The following NRG1 variants were observed in gnomAD, a reference collection of about 807,000 sequenced individuals.
NRG1 encodes the protein neuregulin 1, also known as pro-neuregulin-1, membrane-bound isoform.
NRG1 carries 18 observed loss-of-function variants against 63.8 expected under a neutral mutation model. The ratio of observed to expected loss-of-function variants is 0.28; its 90% CI spans 0.19 to 0.42. The LOEUF is 0.42. Among genes scored for constraint, NRG1 ranks in the 10% least tolerant of loss-of-function variants. The pLI, the probability that NRG1 is intolerant of heterozygous loss-of-function variation, is 1.00. For missense variants in NRG1, 762 were observed against 814.7 expected (o/e 0.94, Z 0.79); for synonymous variants, 302 against 301.3 (o/e 1.00, Z -0.02).
intron 1 of NRG1, among the ~76,000 whole-genome samples, chr8:32,203,507 G>T (rs1463410230): frequency 6.6e-6 from 1 of 151,900 alleles, no homozygotes; most frequent in Admixed American, 6.6e-5. Flanking sequence ...CCCAGTAGCT[G>T]GGACTACAGG....
chr8:32,369,582 A>G (rs1436815662), intron 1 of NRG1, among the ~76,000 whole-genome samples: 1 of 152,212 alleles, frequency 6.6e-6, no homozygotes, highest in African/African-American at 2.4e-5. Flanking sequence ...AGGGACCCTG[A>G]AGGCATCTCA....
chr8:32,563,153 T>C (rs1211868712), intron 1 of NRG1, among the ~76,000 whole-genome samples: 1 of 152,216 alleles, frequency 6.6e-6, no homozygotes, highest in Non-Finnish European at 1.5e-5. Context: ...TCATCAGCTG[T>C]CATTAGTGTT....
chr8:32,072,504 A>G lies in NRG1; in HGVS notation c.37+433073A>G, dbSNP rs1033516986. 2.0e-5 allele frequency among the ~76,000 whole-genome samples: 3 copies of G among 152,138 alleles called. No homozygotes were observed. In the East Asian group the frequency reaches 5.8e-4, roughly 29 times the overall value. On this transcript the variant is annotated intron_variant, in intron 1 of 10. Transcript: ENST00000519301. The stretch of plus-strand genomic sequence containing the variant: ...AAACAAATGTTTCCAGTTTTCTGTC[A>G]TGTACCTTTCCACTCTGAATTATAG...
At chr8:32,182,323 C>T (rs1471004614) in intron 1 of NRG1, among the ~76,000 whole-genome samples, 1 of 152,022 alleles carries the variant, frequency 6.6e-6, no homozygotes, top group East Asian at 1.9e-4. Context: ...CTCGGCTCAC[C>T]ACAACCTCTG....
intron 1 of NRG1, among the ~76,000 whole-genome samples, chr8:32,123,100 A>AT (rs1833678360): frequency 6.6e-6 from 1 of 151,986 alleles, no homozygotes; most frequent in Non-Finnish European, 1.5e-5. Flanking sequence ...CACCTGGATC[A>AT]GTGTACATTT....
chr8:31,817,530 G>A (rs529373200), intron 1 of NRG1, among the ~76,000 whole-genome samples: 1 of 152,180 alleles, frequency 6.6e-6, no homozygotes, highest in South Asian at 2.1e-4. Flanking sequence ...TTTGAATGGG[G>A]GAAACATGCT....
At chr8:32,495,882 C>T (rs939603548) in intron 1 of NRG1, among the ~76,000 whole-genome samples, 1 of 152,196 alleles carries the variant, frequency 6.6e-6, no homozygotes, top group Non-Finnish European at 1.5e-5. Context: ...AAGTGACCTT[C>T]CCAGTCCAGT....
chr8:32,255,082 G>T (rs903270519), intron 1 of NRG1, among the ~76,000 whole-genome samples: 1 of 152,154 alleles, frequency 6.6e-6, no homozygotes, highest in Admixed American at 6.5e-5. Context: ...GAGCCTGTGT[G>T]TGTCTTTGCA....
At chr8:32,580,110 T>C (rs879342713) in intron 1 of NRG1, among the ~76,000 whole-genome samples, 6 of 152,190 alleles carry the variant, frequency 3.9e-5, no homozygotes, top group Non-Finnish European at 7.4e-5. Context: ...GTAAGCAACT[T>C]GAACATCTAT....
At chr8:32,487,073 A>G (rs1825991161) in intron 1 of NRG1, among the ~76,000 whole-genome samples, 2 of 152,212 alleles carry the variant, frequency 1.3e-5, no homozygotes, top group Admixed American at 1.3e-4. Context: ...AAAAACATAT[A>G]AAGTACATTT....
At chr8:32,510,900 G>C (rs2129500552) in intron 1 of NRG1, among the ~76,000 whole-genome samples, 1 of 147,748 alleles carries the variant, frequency 6.8e-6, no homozygotes, top group Non-Finnish European at 1.5e-5. Flanking sequence ...TATAAACATT[G>C]TTCTTTTTCC....
intron 1 of NRG1, among the ~76,000 whole-genome samples, chr8:32,021,659 TA>T (rs2130229968): frequency 6.6e-6 from 1 of 152,264 alleles, no homozygotes; most frequent in Non-Finnish European, 1.5e-5. Context: ...TGAACATATA[TA>T]ACTTTGAGAC....
intron 1 of NRG1, among the ~76,000 whole-genome samples, chr8:32,464,018 G>A (rs967627513): frequency 6.7e-6 from 1 of 149,134 alleles, no homozygotes; most frequent in South Asian, 2.2e-4. Flanking sequence ...TCAGCCTCCC[G>A]AGTAGCTGGG....
Position 32,548,375 on chromosome 8 carries a change from T to C in NRG1, c.-352T>C. On this transcript the variant is annotated 5_prime_UTR_variant, in exon 1 of 12. It removes an upstream start codon present in the reference 5' UTR. Transcript: ENST00000356819. ...CTGAGCGGCGGCGGCTGCCGGACGATGGGAGCGTGAGCAGGACGGTGATAA... is the reference window on the plus strand; with the variant it reads ...CTGAGCGGCGGCGGCTGCCGGACGACGGGAGCGTGAGCAGGACGGTGATAA... 9.7e-7 allele frequency: 1 copy of C among 1,034,048 alleles called. No individual in the cohort carries two copies. The highest frequency in any genetic ancestry group is 1.2e-6 in the Non-Finnish European group (1 of 862,048). The allele number at this position is 1,034,048 out of a possible 1,614,324, so 64.1% of individuals were successfully genotyped here.
intron 1 of NRG1, among the ~76,000 whole-genome samples, chr8:31,854,897 T>A (rs1827680197): frequency 1.3e-5 from 2 of 152,228 alleles, no homozygotes; most frequent in South Asian, 4.1e-4. Context: ...AGCAGGTTGT[T>A]CAGTTTCCAT....
At chr8:32,430,786 G>T (rs999381094) in intron 1 of NRG1, among the ~76,000 whole-genome samples, 1 of 109,620 alleles carries the variant, frequency 9.1e-6, no homozygotes, top group African/African-American at 3.6e-5. Context: ...CAATGGTTTG[G>T]GTTTTTTTTT....
intron 1 of NRG1, among the ~76,000 whole-genome samples, chr8:32,346,046 A>T (rs952909447): frequency 2.7e-5 from 4 of 147,842 alleles, no homozygotes; most frequent in Non-Finnish European, 6.0e-5. Flanking sequence ...GATATAAATT[A>T]TATATTAATT....
chr8:32,766,030 C>T (rs1395717967), exon 12 of NRG1: 1 of 152,132 alleles, frequency 6.6e-6, no homozygotes, highest in African/African-American at 2.4e-5. Context: ...CTCCTAGGAA[C>T]CATGGGACAA....
At chr8:32,666,194 TA>T (rs1292774904) in intron 5 of NRG1, among the ~76,000 whole-genome samples, 1 of 152,220 alleles carries the variant, frequency 6.6e-6, no homozygotes, top group Non-Finnish European at 1.5e-5. Context: ...ACTTCTTCTT[TA>T]AGTATAGTGA....
Sources: gnomAD v4.1 joint callset for allele counts (sites outside exome capture counted in the v4.1 genomes callset) on GRCh38, gnomAD v4.1.1 for gene constraint, MANE v1.5 for transcripts, NCBI Gene and HGNC (gene_info 2026-07-23, HGNC 2026-07-21) for gene names.